GLMN: variants seen among roughly 807,000 people sequenced by gnomAD.
GLMN encodes the protein glomulin, FKBP associated protein.
In GLMN, 75 loss-of-function variants were observed where a neutral mutation model predicts 87.8. The observed-to-expected ratio is 0.85, with a 90% CI of 0.71 to 1.04. GLMN has a LOEUF of 1.04. Ranked by LOEUF, GLMN falls within the 50% of genes least tolerant of loss-of-function variation. The pLI, the probability that GLMN is intolerant of heterozygous loss-of-function variation, is 0.00. For missense variants in GLMN, 588 were observed against 658.8 expected (o/e 0.89, Z 1.18); for synonymous variants, 206 against 221.6 (o/e 0.93, Z 0.63).
chr1:92,267,449 A>G (rs916735436), intron 11 of GLMN, among the ~76,000 whole-genome samples: 3 of 152,100 alleles, frequency 2.0e-5, no homozygotes, highest in African/African-American at 7.2e-5. Flanking sequence ...CACACCTGTA[A>G]TCCCAGCACT....
At chr1:92,334,082 G>A in the GLMN span, among the ~76,000 whole-genome samples, 1 of 152,036 alleles carries the variant, frequency 6.6e-6, no homozygotes, top group Non-Finnish European at 1.5e-5. Context: ...GGGCTGTGTT[G>A]AACTTTTCAA....
At position 92,268,111 on chromosome 1, in the gene GLMN, T is replaced by C; in HGVS notation, c.1002A>G (p.Lys334=). 6.9e-7 allele frequency: 1 copy of C among 1,454,324 alleles called. No individual in the cohort carries two copies. Among genetic ancestry groups the C allele is most frequent in the Non-Finnish European group, 9.7e-7 (1 of 1,035,312 alleles). The allele number at this position is 1,454,324 out of a possible 1,614,324, so 90.1% of individuals were successfully genotyped here. A position where few individuals can be genotyped will look rare whatever the true frequency, so the allele number is the denominator to read the frequency against. The change falls in exon 10 of 19, where the codon AAA becomes AAG. Residue 334 remains lysine, a synonymous_variant. Coordinates refer to ENST00000370360, the MANE Select transcript of GLMN (RefSeq NM_053274.3). ...ATGGGAACAAACATCTTACCAATCCTTTGGAGATAACAGACTCTTCTGTTC... is the reference window on the plus strand; with the variant it reads ...ATGGGAACAAACATCTTACCAATCCCTTGGAGATAACAGACTCTTCTGTTC... The part of the protein sequence containing the change: ...LQRTEESVIS[K]GLELLENSLL...
the GLMN span, among the ~76,000 whole-genome samples, chr1:92,309,580 TACATAC>T: frequency 0.61 from 90,682 of 147,638 alleles, 28,243 homozygotes; most frequent in East Asian, 0.94. Flanking sequence ...CATATACATA[TACATAC>T]ACATACACAT....
intron 3 of GLMN, among the ~76,000 whole-genome samples, chr1:92,296,788 G>A (rs1000442061): frequency 6.6e-6 from 1 of 152,142 alleles, no homozygotes; most frequent in Non-Finnish European, 1.5e-5. Flanking sequence ...CTAGTATAAT[G>A]ACATATCGTT....
At chr1:92,307,627 T>A in the GLMN span, among the ~76,000 whole-genome samples, 2 of 152,198 alleles carry the variant, frequency 1.3e-5, no homozygotes, top group East Asian at 3.8e-4. Context: ...AGGATCCAGG[T>A]GAACTCTGCT....
intron 3 of GLMN, 137 bp downstream of exon 3, chr1:92,297,267 C>CT (rs1201781842): frequency 2.4e-6 from 3 of 1,226,134 alleles, no homozygotes; most frequent in Non-Finnish European, 3.5e-6. Context: ...ATTTCTAATT[C>CT]TTTTTTTGTT....
chr1:92,298,148 G>T (rs1172213437), intron 1 of GLMN, 119 bp from the exon 2 acceptor site: 1 of 613,976 alleles, frequency 1.6e-6, no homozygotes, highest in Non-Finnish European at 2.9e-6. Flanking sequence ...AGTTTTTGTT[G>T]TTGTGTTTTT....
rs202226890 is a variant in GLMN at position 92,246,619 on chromosome 1, C to A, written c.1696G>T (p.Asp566Tyr). The A allele has an allele frequency of 1.6e-4, 261 of 1,592,876 alleles. No homozygotes were observed. Among genetic ancestry groups the A allele is most frequent in the Non-Finnish European group, 1.7e-4 (195 of 1,160,888 alleles). Residue 566 changes from aspartate to tyrosine, a missense_variant, in exon 19 of 19, where the codon GAT (aspartate) becomes TAT (tyrosine). Coordinates refer to ENST00000370360, the MANE Select transcript of GLMN (RefSeq NM_053274.3). ...CGAGCTAGAACACTTTCAATCAAAT[C>A]AAATGTGAAAAGAGCTGAATGCAGG... The part of the protein sequence containing the change: ...KVLHSALFTF[D>Y]LIESVLARVE...
At chr1:92,251,425 A>ATATC (rs1653477464) in intron 16 of GLMN, among the ~76,000 whole-genome samples, 1 of 152,158 alleles carries the variant, frequency 6.6e-6, no homozygotes. Flanking sequence ...CTCTCAACCC[A>ATATC]TATCTCATAT....
upstream of GLMN, chr1:92,300,118 T>C (rs745582660): frequency 1.9e-5 from 19 of 980,594 alleles, no homozygotes; most frequent in Non-Finnish European, 2.7e-5. Flanking sequence ...TTTAATCTTA[T>C]GAGACCGCTG....
chr1:92,299,068 T>TC, upstream of GLMN: 1 of 1,488,024 alleles, frequency 6.7e-7, no homozygotes. Flanking sequence ...CAGACTACTC[T>TC]CCCCCATGGC....
At chr1:92,293,034 AAAT>A (rs1318281876) in intron 3 of GLMN, among the ~76,000 whole-genome samples, 1 of 151,986 alleles carries the variant, frequency 6.6e-6, no homozygotes, top group Non-Finnish European at 1.5e-5. Context: ...AAAAATATAT[AAAT>A]AATGAAAAAG....
At chr1:92,256,938 T>A (rs758586774) in intron 16 of GLMN, among the ~76,000 whole-genome samples, 35 of 152,162 alleles carry the variant, frequency 2.3e-4, no homozygotes, top group Non-Finnish European at 3.7e-4. Flanking sequence ...TAAAGCGTAT[T>A]CAAATAGGAA....
chr1:92,304,226 C>A, the GLMN span: 1 of 1,240,702 alleles, frequency 8.1e-7, no homozygotes, highest in Admixed American at 1.9e-5. Context: ...AATCTTGTAA[C>A]ATAACGTTCA....
the GLMN span, among the ~76,000 whole-genome samples, chr1:92,305,742 TATCAGTA>T: frequency 1.3e-5 from 2 of 152,110 alleles, no homozygotes; most frequent in African/African-American, 4.8e-5. Context: ...TGCTAAATAT[TATCAGTA>T]ATCAGAGAAA....
the GLMN span, chr1:92,304,273 CT>C: frequency 7.0e-7 from 1 of 1,433,394 alleles, no homozygotes; most frequent in Non-Finnish European, 9.7e-7. Context: ...GCTGTACTTT[CT>C]TTTCTTTAGG....
the GLMN span, chr1:92,363,810 T>A: frequency 1.8e-5 from 5 of 271,282 alleles, no homozygotes; most frequent in Non-Finnish European, 2.9e-5. Context: ...GCTTAACATT[T>A]TTTTTCCTCT....
At chr1:92,327,878 T>C in the GLMN span, among the ~76,000 whole-genome samples, 3 of 152,232 alleles carry the variant, frequency 2.0e-5, no homozygotes, top group African/African-American at 7.2e-5. Context: ...CAGAATTTGT[T>C]TGTCTGAAAA....
chr1:92,297,401 C>T lies in GLMN; in HGVS notation c.165+3G>A. 6.2e-7 allele frequency: 1 copy of T among 1,609,792 alleles called. No homozygotes were observed. ...GAAAAGTAAACACCAAGATTGTACG[C>T]ACCTTATTCTTTTCATTTTGAATAA... On this transcript the variant is annotated splice_donor_region_variant and intron_variant, in intron 3 of 18. Coordinates refer to ENST00000370360, the MANE Select transcript of GLMN (RefSeq NM_053274.3).
Sources: allele counts gnomAD v4.1 joint callset (sites outside exome capture counted in the v4.1 genomes callset), GRCh38; gene constraint gnomAD v4.1.1; transcripts MANE v1.5; gene names NCBI Gene and HGNC (gene_info 2026-07-23, HGNC 2026-07-21).